The following TIMM23B variants were observed in gnomAD, a reference collection of about 807,000 sequenced individuals.
The protein encoded by TIMM23B is mitochondrial import inner membrane translocase subunit Tim23B.
Under a neutral mutation model 27.3 loss-of-function variants are expected in TIMM23B, and 27 were observed. That is an observed-to-expected ratio of 0.99 (90% CI 0.73 to 1.36). The LOEUF (loss-of-function observed/expected upper bound fraction) is 1.36. Ranked by LOEUF, TIMM23B falls within the 40% of genes most tolerant of loss-of-function variation. TIMM23B has a pLI of 0.00. For missense variants in TIMM23B, 205 were observed against 244.2 expected, an observed-to-expected ratio of 0.84 and a Z score of 1.07; for synonymous variants, 73 against 92.4, an observed-to-expected ratio of 0.79 and a Z score of 1.21.
At chr10:49,963,895 G>A (rs183990140) in intron 6 of TIMM23B, among the ~76,000 whole-genome samples, 4 of 152,156 alleles carry the variant, frequency 2.6e-5, no homozygotes, top group African/African-American at 9.6e-5. Context: ...AACCCAGGAG[G>A]CAGAGGTTGC....
chr10:49,970,160 C>A (rs1203949806), intron 6 of TIMM23B: 2 of 154,902 alleles, frequency 1.3e-5, no homozygotes, highest in South Asian at 3.5e-4. Context: ...ACCTCCCAGC[C>A]GCCTGCCTTG....
At chr10:49,967,110 CAG>C (rs1840194517) in intron 6 of TIMM23B, among the ~76,000 whole-genome samples, 1 of 152,150 alleles carries the variant, frequency 6.6e-6, no homozygotes, top group Non-Finnish European at 1.5e-5. Flanking sequence ...TTTGTAGAGA[CAG>C]GGTTTCACCA....
intron 6 of TIMM23B, among the ~76,000 whole-genome samples, chr10:49,962,087 G>T (rs1345948944): frequency 6.6e-6 from 1 of 151,934 alleles, no homozygotes; most frequent in East Asian, 1.9e-4. Context: ...GTAGACTCTC[G>T]TTAGGAGAAT....
intron 2 of TIMM23B, among the ~76,000 whole-genome samples, chr10:49,947,745 A>G (rs1326833804): frequency 2.0e-5 from 3 of 152,140 alleles, no homozygotes; most frequent in Non-Finnish European, 4.4e-5. Flanking sequence ...CCTGGCCAAC[A>G]TAAGAAGATC....
intron 2 of TIMM23B, among the ~76,000 whole-genome samples, chr10:49,945,976 G>C (rs1209714164): frequency 6.6e-6 from 1 of 152,230 alleles, no homozygotes; most frequent in Non-Finnish European, 1.5e-5. Flanking sequence ...GATCACTTGA[G>C]GCCAGGAGTT....
At chr10:49,943,388 A>T (rs1191149836) in intron 1 of TIMM23B, 6 of 151,924 alleles carry the variant, frequency 3.9e-5, no homozygotes, top group East Asian at 1.9e-4. Flanking sequence ...GCTAATTTTT[A>T]AAATTTTTTT....
intron 2 of TIMM23B, among the ~76,000 whole-genome samples, chr10:49,947,179 C>T (rs1179154738): frequency 6.6e-6 from 1 of 152,198 alleles, no homozygotes; most frequent in African/African-American, 2.4e-5. Context: ...TAGAAGAAAT[C>T]ATGGGCACAA....
chr10:49,962,001 A>G (rs1839933292), intron 6 of TIMM23B, among the ~76,000 whole-genome samples: 1 of 149,302 alleles, frequency 6.7e-6, no homozygotes, highest in African/African-American at 2.5e-5. Context: ...GGTGGGAGGA[A>G]TTGTCCTAGA....
In TIMM23B at chr10:49,958,214, C is replaced by G. The variant is rs1416971794; in HGVS notation, c.404-156C>G. 2.6e-5 allele frequency among the ~76,000 whole-genome samples: 4 copies of G among 152,132 alleles called. No individual in the cohort carries two copies. In the South Asian group the frequency reaches 6.2e-4, roughly 24 times the overall value. ...AGCTGTTCCAAAGCTGATTCCAGAACCAAGGACAAATACCTTAACAAGTGA... is the reference window on the plus strand; with the variant it reads ...AGCTGTTCCAAAGCTGATTCCAGAAGCAAGGACAAATACCTTAACAAGTGA... On this transcript the variant is annotated intron_variant, in intron 5 of 6. Transcript: ENST00000651259.
At chr10:49,946,813 TC>T (rs1839368103) in intron 2 of TIMM23B, among the ~76,000 whole-genome samples, 1 of 149,550 alleles carries the variant, frequency 6.7e-6, no homozygotes, top group African/African-American at 2.5e-5. Context: ...CAAGCTTTTA[TC>T]CTAAAATTCA....
chr10:49,957,427 A>AT (rs1564683104), intron 5 of TIMM23B, among the ~76,000 whole-genome samples: 1 of 151,762 alleles, frequency 6.6e-6, no homozygotes, highest in African/African-American at 2.4e-5. Flanking sequence ...TTTTTTAAAA[A>AT]TTTTTTTGGA....
chr10:49,953,683 T>C (rs1839616219), intron 4 of TIMM23B, among the ~76,000 whole-genome samples: 1 of 152,198 alleles, frequency 6.6e-6, no homozygotes, highest in African/African-American at 2.4e-5. Context: ...TGTGTGGATC[T>C]CTGTCCATGC....
chr10:49,952,697 A>G (rs1395563986), intron 4 of TIMM23B, among the ~76,000 whole-genome samples, 164 bp downstream of exon 4: 2 of 149,920 alleles, frequency 1.3e-5, no homozygotes, highest in African/African-American at 4.9e-5. Flanking sequence ...AAGGAATCAG[A>G]TTACTGACTC....
chr10:49,945,759 C>T (rs1254683204), intron 2 of TIMM23B, among the ~76,000 whole-genome samples: 24 of 152,090 alleles, frequency 1.6e-4, no homozygotes, highest in African/African-American at 5.8e-4. Context: ...GTTTTAACAT[C>T]TGAAAATTAA....
At chr10:49,970,489 C>G (rs1162593913) in intron 6 of TIMM23B, 2 of 163,024 alleles carry the variant, frequency 1.2e-5, no homozygotes, top group Non-Finnish European at 2.6e-5. Flanking sequence ...GCCGCCCTGT[C>G]TGAGAAGTGA....
At chr10:49,948,333 A>G (rs1272737938) in intron 2 of TIMM23B, among the ~76,000 whole-genome samples, 1 of 152,168 alleles carries the variant, frequency 6.6e-6, no homozygotes, top group Non-Finnish European at 1.5e-5. Flanking sequence ...TTAAAAATAG[A>G]GTTACCTTAT....
intron 6 of TIMM23B, among the ~76,000 whole-genome samples, chr10:49,963,323 A>G (rs1263090695): frequency 2.6e-5 from 4 of 151,760 alleles, no homozygotes; most frequent in Admixed American, 2.0e-4. Flanking sequence ...GAAGAGAATA[A>G]ATGAAATAAA....
In TIMM23B at chr10:49,952,538, G is replaced by C; in HGVS notation, c.344+5G>C. ...GTCCAAACCAGGAAATGTACAGTAA[G>C]TCTCTTGTAACCATCTGATGTAGTG... is the stretch of plus-strand genomic sequence containing the variant. On this transcript the variant is annotated splice_donor_5th_base_variant and intron_variant, in intron 4 of 6. Coordinates refer to ENST00000651259, the MANE Select transcript of TIMM23B (RefSeq NM_001290117.2). The C allele has an allele frequency of 6.2e-7, 1 of 1,613,036 alleles. No individual in the cohort carries two copies. Among genetic ancestry groups the C allele is most frequent in the South Asian group, 1.1e-5 (1 of 90,972 alleles).
intron 2 of TIMM23B, among the ~76,000 whole-genome samples, chr10:49,945,753 T>A (rs1728081544): frequency 1.3e-5 from 2 of 152,224 alleles, no homozygotes; most frequent in Non-Finnish European, 2.9e-5. Context: ...AAGGTTGTTT[T>A]AACATCTGAA....
Sources: gnomAD v4.1 joint callset for allele counts (sites outside exome capture counted in the v4.1 genomes callset) on GRCh38, gnomAD v4.1.1 for gene constraint, MANE v1.5 for transcripts, NCBI Gene and HGNC (gene_info 2026-07-23, HGNC 2026-07-21) for gene names.